Variants in PWWP2A observed in about 807,000 individuals in gnomAD.
The protein encoded by PWWP2A is PWWP domain-containing protein 2A.
A neutral mutation model predicts 48.5 loss-of-function variants in PWWP2A; 18 were observed. The observed-to-expected ratio is 0.37, with a 90% CI of 0.26 to 0.55. PWWP2A has a LOEUF of 0.55. Ranked by LOEUF, PWWP2A falls within the 20% of genes least tolerant of loss-of-function variation. The probability of loss-of-function intolerance (pLI) is 0.81; values close to 1 mark genes in which losing one functional copy is unlikely to be tolerated. For synonymous variants in PWWP2A, 396 were observed against 387.7 expected (o/e 1.02, Z -0.25); for missense variants, 867 against 976.4 (o/e 0.89, Z 1.49).
exon 4 of PWWP2A, chr5:160,076,657 C>CA (rs1232325580): frequency 6.6e-6 from 1 of 152,190 alleles, no homozygotes. Context: ...GCCTTTTCTT[C>CA]AAGTTGTAAA....
downstream of PWWP2A, among the ~76,000 whole-genome samples, chr5:160,061,262 A>G (rs1442202939): frequency 6.6e-6 from 1 of 152,226 alleles, no homozygotes; most frequent in Non-Finnish European, 1.5e-5. Flanking sequence ...GTTCAAGTGT[A>G]AACTCTTAGA....
intron 2 of PWWP2A, among the ~76,000 whole-genome samples, chr5:160,070,522 CCCTT>C (rs763305526): frequency 1.3e-5 from 2 of 152,172 alleles, no homozygotes; most frequent in Non-Finnish European, 2.9e-5. Flanking sequence ...ATGTGTGCTT[CCCTT>C]CCATCACAAG....
At chr5:160,064,881 C>T (rs1300477737) in intron 4 of PWWP2A, 15 of 1,571,216 alleles carry the variant, frequency 9.5e-6, no homozygotes, top group Non-Finnish European at 1.3e-5. Flanking sequence ...TGGTACCTTC[C>T]TGCTTCTGTT....
rs145413720 is a variant in PWWP2A at position 160,070,049 on chromosome 5, T to C, written c.*80-3178A>G. On this transcript the variant is annotated intron_variant and NMD_transcript_variant, in intron 2 of 5. Coordinates refer to the PWWP2A transcript ENST00000524050. ...AGGAGGCTTCCCCAGGAAATTGGGATTTCTACAACAAATTCATACTCATAT... is the reference window on the plus strand; with the variant it reads ...AGGAGGCTTCCCCAGGAAATTGGGACTTCTACAACAAATTCATACTCATAT... Among the ~76,000 whole-genome samples the C allele has an allele frequency of 7.9e-4, 121 of 152,338 alleles. 2 individuals are homozygous for C. Among genetic ancestry groups the C allele is most frequent in the African/African-American group, 2.9e-3 (119 of 41,576 alleles).
intron 1 of PWWP2A, among the ~76,000 whole-genome samples, chr5:160,105,981 G>A (rs1052330617): frequency 1.3e-4 from 20 of 152,198 alleles, no homozygotes; most frequent in African/African-American, 4.8e-4. Context: ...AAAACAGCAT[G>A]CTATCTAATT....
the PWWP2A span, among the ~76,000 whole-genome samples, chr5:160,052,721 T>C: frequency 6.6e-6 from 1 of 152,172 alleles, no homozygotes; most frequent in African/African-American, 2.4e-5. Flanking sequence ...TTACTGCCTA[T>C]TGTTAGTTCC....
Position 160,092,931 on chromosome 5 carries a change from C to A in PWWP2A, c.1719G>T (p.Lys573Asn), listed in dbSNP as rs1283164293. The A allele has an allele frequency of 1.3e-6, 2 of 1,551,568 alleles. No individual in the cohort carries two copies. The highest frequency in any genetic ancestry group is 8.7e-7 in the Non-Finnish European group (1 of 1,147,004). The change falls in exon 2 of 2, where the codon AAG becomes AAT. Residue 573 changes from lysine (K) to asparagine (N), a missense_variant. Lys to Asn is a moderately conservative substitution (Grantham distance 94). This residue lies in a region of PWWP2A where 382 missense variants were observed against 407.2 expected (regional missense o/e 0.94). Coordinates refer to ENST00000307063, the MANE Select transcript of PWWP2A (RefSeq NM_001130864.2). ...CTGAAGCACTGGAAGAGTCAGATTT[C>A]TTTTGATTTAGGGTCATATAAACAG... ...NISVYMTLNQ[K>N]KSDSSSASVC...
At chr5:160,082,021 T>C (rs1177577043) in intron 2 of PWWP2A, among the ~76,000 whole-genome samples, 1 of 152,224 alleles carries the variant, frequency 6.6e-6, no homozygotes, top group Non-Finnish European at 1.5e-5. Context: ...AATTTTAACT[T>C]GGGAAAATAA....
At chr5:160,101,804 A>AT (rs200521816) in intron 1 of PWWP2A, among the ~76,000 whole-genome samples, 4 of 148,074 alleles carry the variant, frequency 2.7e-5, no homozygotes, top group East Asian at 2.0e-4. Context: ...AGAACCAACT[A>AT]TTAAAAAAAA....
intron 1 of PWWP2A, among the ~76,000 whole-genome samples, chr5:160,107,343 C>A (rs1366244118): frequency 6.6e-6 from 1 of 152,170 alleles, no homozygotes. Flanking sequence ...TAAAGGCATT[C>A]TATATTAAAT....
intron 1 of PWWP2A, among the ~76,000 whole-genome samples, chr5:160,101,023 T>C (rs972176219): frequency 3.3e-5 from 5 of 152,170 alleles, no homozygotes; most frequent in African/African-American, 1.2e-4. Context: ...TATACAAATA[T>C]ATTATACAAA....
chr5:160,074,385 C>T (rs1753816925), downstream of PWWP2A, among the ~76,000 whole-genome samples: 1 of 151,900 alleles, frequency 6.6e-6, no homozygotes. Flanking sequence ...TTGCAGTGAG[C>T]CGAGATCGCA....
chr5:160,072,828 T>C (rs62377730), downstream of PWWP2A, among the ~76,000 whole-genome samples: 3,035 of 151,402 alleles, frequency 0.02, 37 homozygotes, highest in Non-Finnish European at 0.026. Context: ...GTCTCAAAAA[T>C]AAATAAATGA....
chr5:160,091,877 T>C lies in PWWP2A; in HGVS notation c.*505A>G, dbSNP rs1336357641. The C allele has an allele frequency of 1.0e-6, 1 of 984,882 alleles. No individual in the cohort carries two copies. The highest frequency in any genetic ancestry group is 1.7e-5 in the African/African-American group (1 of 57,236). The allele number at this position is 984,882 out of a possible 1,614,324, so 61.0% of individuals were successfully genotyped here. On this transcript the variant is annotated 3_prime_UTR_variant, in exon 2 of 2. Transcript: ENST00000307063. ...ATTTAAAAAACAAGTAGTCATTAAA[T>C]ATCCACTATTCCCCCAGCTCACCAA...
At chr5:160,084,756 C>T (rs747005004) in intron 2 of PWWP2A, among the ~76,000 whole-genome samples, 6 of 152,092 alleles carry the variant, frequency 3.9e-5, no homozygotes, top group Admixed American at 6.5e-5. Context: ...AATGCTTAAA[C>T]TCACCTGCAT....
intron 1 of PWWP2A, among the ~76,000 whole-genome samples, chr5:160,107,068 C>T (rs555137222): frequency 2.0e-4 from 31 of 152,180 alleles, no homozygotes; most frequent in African/African-American, 7.5e-4. Context: ...TCAAATGAGC[C>T]ACCCACCTTG....
intron 2 of PWWP2A, among the ~76,000 whole-genome samples, chr5:160,069,428 C>G (rs374482570): frequency 6.6e-6 from 1 of 152,170 alleles, no homozygotes; most frequent in Admixed American, 6.6e-5. Context: ...CCACCTCACC[C>G]TGGAGTTTCT....
intron 4 of PWWP2A, among the ~76,000 whole-genome samples, chr5:160,064,030 G>A (rs1264636951): frequency 6.7e-6 from 1 of 149,980 alleles, no homozygotes; most frequent in Non-Finnish European, 1.5e-5. Flanking sequence ...GTGCAGTGGC[G>A]CAATCTCAGC....
At chr5:160,088,581 T>C (rs545024546), downstream of PWWP2A, among the ~76,000 whole-genome samples, 1 of 152,296 alleles carries the variant, frequency 6.6e-6, no homozygotes, top group Non-Finnish European at 1.5e-5. Context: ...ATTGTTTTAA[T>C]AGCTGTAATA....
Sources: allele counts gnomAD v4.1 joint callset (sites outside exome capture counted in the v4.1 genomes callset), GRCh38; gene constraint gnomAD v4.1.1; regional missense constraint gnomAD v4.1.1; transcripts MANE v1.5; gene names NCBI Gene and HGNC (gene_info 2026-07-23, HGNC 2026-07-21).